OTUD7B: variants seen among roughly 807,000 people sequenced by gnomAD.
OTUD7B encodes the protein OTU deubiquitinase 7B, also known as OTU domain-containing protein 7B.
Under a neutral mutation model 82.2 loss-of-function variants are expected in OTUD7B, and 34 were observed. The ratio of observed to expected loss-of-function variants is 0.41; its 90% CI spans 0.31 to 0.55. The LOEUF (loss-of-function observed/expected upper bound fraction) is 0.55. Among genes scored for constraint, OTUD7B ranks in the 20% least tolerant of loss-of-function variants. OTUD7B has a pLI of 0.20. For synonymous variants in OTUD7B, 398 were observed against 402.7 expected (o/e 0.99, Z 0.14); for missense variants, 944 against 1,062.1 (o/e 0.89, Z 1.55).
At position 149,941,433 on chromosome 1, in the gene OTUD7B, G is replaced by A. The variant is rs781834678; in HGVS notation, c.*2424C>T. ...AGCCACCTGTTGTTTGGTGTGTGAT[G>A]GGGGTGGAGGCGCACACAGTGGTGT... On this transcript the variant is annotated 3_prime_UTR_variant, in exon 12 of 12. Transcript: ENST00000581312. 3 of 152,372 alleles carry A rather than the reference G, an allele frequency of 2.0e-5. No individual in the cohort carries two copies. The highest frequency in any genetic ancestry group is 4.4e-5 in the Non-Finnish European group (3 of 68,048). 9.4% of individuals were successfully genotyped at this position (152,372 alleles called of 1,614,324 possible). A position where few individuals can be genotyped will look rare whatever the true frequency, so the allele number is the denominator to read the frequency against.
chr1:150,053,607 G>C, the OTUD7B span, among the ~76,000 whole-genome samples: 310 of 152,046 alleles, frequency 2.0e-3, 1 homozygote, highest in Middle Eastern at 0.024. Context: ...TGTTGGTCAG[G>C]CTGGTCTCGA....
the OTUD7B span, among the ~76,000 whole-genome samples, chr1:150,037,933 ATCATAGC>A: frequency 6.6e-6 from 1 of 151,690 alleles, no homozygotes; most frequent in South Asian, 2.1e-4. Flanking sequence ...CAGTGGTGCA[ATCATAGC>A]TCACTGCAGC....
In OTUD7B at chr1:149,941,287, G is replaced by A. The variant is rs1553770354; in HGVS notation, c.*2570C>T. 1 of 152,050 alleles carries A rather than the reference G, an allele frequency of 6.6e-6. No homozygotes were observed. The highest frequency in any genetic ancestry group is 1.5e-5 in the Non-Finnish European group (1 of 67,994). 9.4% of individuals were successfully genotyped at this position (152,050 alleles called of 1,614,324 possible). A position where few individuals can be genotyped will look rare whatever the true frequency, so the allele number is the denominator to read the frequency against. On this transcript the variant is annotated 3_prime_UTR_variant, in exon 12 of 12. Transcript: ENST00000581312. ...TCCAGTGGAGAATCAAAACTTTTCCGGCTTTATTCTCTGGGAAAACCCCTG... is the reference window on the plus strand; with the variant it reads ...TCCAGTGGAGAATCAAAACTTTTCCAGCTTTATTCTCTGGGAAAACCCCTG...
the OTUD7B span, among the ~76,000 whole-genome samples, chr1:150,038,754 G>A: frequency 6.6e-6 from 1 of 152,056 alleles, no homozygotes; most frequent in Non-Finnish European, 1.5e-5. Context: ...GGCACTTCAT[G>A]ATTTTTGAGT....
At chr1:150,055,903 G>T in the OTUD7B span, among the ~76,000 whole-genome samples, 1 of 152,172 alleles carries the variant, frequency 6.6e-6, no homozygotes, top group Non-Finnish European at 1.5e-5. Context: ...GGTGGGAGAA[G>T]GGAGAGGAGC....
At chr1:149,959,834 A>AACCCAGCCTCTAATT in intron 6 of OTUD7B, 38 bp from the exon 7 acceptor site, 2 of 1,391,630 alleles carry the variant, frequency 1.4e-6, no homozygotes, top group East Asian at 2.3e-5. Flanking sequence ...GGGCAATTAG[A>AACCCAGCCTCTAATT]GGCTGGGTTC....
intron 1 of OTUD7B, among the ~76,000 whole-genome samples, chr1:149,978,118 G>T (rs181932677): frequency 1.1e-4 from 16 of 152,324 alleles, no homozygotes; most frequent in African/African-American, 3.8e-4. Flanking sequence ...AATATTTGTT[G>T]AGTGAATGAA....
At chr1:150,010,105 A>G (rs1294370242) in intron 1 of OTUD7B, among the ~76,000 whole-genome samples, 2 of 152,158 alleles carry the variant, frequency 1.3e-5, no homozygotes, top group Non-Finnish European at 2.9e-5. Flanking sequence ...GGGATAATAC[A>G]CTGCATCTTA....
the OTUD7B span, chr1:150,054,644 C>T: frequency 4.0e-3 from 1,349 of 338,898 alleles, 13 homozygotes; most frequent in African/African-American, 0.028. Flanking sequence ...CCTGTCTCTA[C>T]TAAAAATACA....
At chr1:150,019,600 C>T in the OTUD7B span, among the ~76,000 whole-genome samples, 2 of 152,122 alleles carry the variant, frequency 1.3e-5, no homozygotes, top group Admixed American at 1.3e-4. Context: ...CTCCTGAACT[C>T]GGTGATCCAC....
In OTUD7B at chr1:149,944,208, A is replaced by T; in HGVS notation, c.2181T>A (p.Tyr727Ter). The T allele has an allele frequency of 6.2e-7, 1 of 1,613,494 alleles. No individual in the cohort carries two copies. The highest frequency in any genetic ancestry group is 8.5e-7 in the Non-Finnish European group (1 of 1,179,594). The change falls in exon 12 of 12, where the codon TAT becomes TAA. Residue 727 changes from tyrosine to a stop codon, truncating the protein, a stop_gained. Coordinates refer to ENST00000581312, the MANE Select transcript of OTUD7B (RefSeq NM_020205.4). LOFTEE classifies it high-confidence loss of function. ...GAGGGCACTGTCTGGGGAAGGTGGC[A>T]TATGGTGGTAGGCCCCCGACACATG... ...GGPCVGGLPPYATFPRQCPPG... is the reference protein window; with the variant it reads ...GGPCVGGLPP
At position 149,998,769 on chromosome 1, in the gene OTUD7B, G is replaced by T. The variant is rs146315258; in HGVS notation, c.-67+11679C>A. Among the ~76,000 whole-genome samples the T allele has an allele frequency of 3.3e-4, 51 of 152,270 alleles. 1 individual carries two copies. Among genetic ancestry groups the T allele is most frequent in the African/African-American group, 1.2e-3 (48 of 41,552 alleles). Reference sequence around the variant, plus strand: ...TATACTGGAAGCCTAACTTTTCAGAGAACAGATATCCAATAAACTGTTGAC... The same window carrying T: ...TATACTGGAAGCCTAACTTTTCAGATAACAGATATCCAATAAACTGTTGAC... On this transcript the variant is annotated intron_variant, in intron 1 of 11. Transcript: ENST00000581312.
chr1:149,963,995 A>G, intron 6 of OTUD7B: 1 of 448,014 alleles, frequency 2.2e-6, no homozygotes, highest in East Asian at 3.5e-5. Flanking sequence ...GAAAAGCACA[A>G]TGTTAGATAA....
chr1:149,995,597 A>AG (rs1310108834), intron 1 of OTUD7B, among the ~76,000 whole-genome samples: 1 of 114 alleles, frequency 8.8e-3, no homozygotes, highest in Non-Finnish European at 0.05. Context: ...AAAACAAAAC[A>AG]AAAAAAAACA....
At chr1:149,994,506 G>T (rs1651795781) in intron 1 of OTUD7B, among the ~76,000 whole-genome samples, 1 of 151,236 alleles carries the variant, frequency 6.6e-6, no homozygotes, top group South Asian at 2.1e-4. Context: ...GCTTGAACCT[G>T]GGAGGCGGAG....
chr1:149,974,095 C>T (rs1396790581), intron 2 of OTUD7B, among the ~76,000 whole-genome samples: 3 of 151,874 alleles, frequency 2.0e-5, no homozygotes, highest in Non-Finnish European at 4.4e-5. Context: ...AACGGAGTCT[C>T]GTTCTGTCAC....
chr1:150,023,969 AAT>A, the OTUD7B span, among the ~76,000 whole-genome samples: 3 of 152,224 alleles, frequency 2.0e-5, no homozygotes, highest in Non-Finnish European at 2.9e-5. Flanking sequence ...GTTAATGAGT[AAT>A]GACATAATTG....
chr1:150,056,389 C>A, the OTUD7B span, among the ~76,000 whole-genome samples: 1 of 152,006 alleles, frequency 6.6e-6, no homozygotes, highest in Non-Finnish European at 1.5e-5. Context: ...TGGGAGGAGG[C>A]AAGCACATGA....
intron 1 of OTUD7B, among the ~76,000 whole-genome samples, chr1:149,987,467 T>C (rs1651230855): frequency 6.6e-6 from 1 of 152,220 alleles, no homozygotes; most frequent in African/African-American, 2.4e-5. Flanking sequence ...AGATTCTTCA[T>C]GTATAAAATG....
Sources: gnomAD v4.1 joint callset for allele counts (sites outside exome capture counted in the v4.1 genomes callset) on GRCh38, gnomAD v4.1.1 for gene constraint, MANE v1.5 for transcripts, NCBI Gene and HGNC (gene_info 2026-07-23, HGNC 2026-07-21) for gene names.